PAX6: variants seen among roughly 807,000 people sequenced by gnomAD.
PAX6 encodes paired box protein Pax-6.
PAX6 carries 7 observed loss-of-function variants against 60.7 expected under a neutral mutation model. The observed-to-expected ratio is 0.12, with a 90% confidence interval of 0.07 to 0.22. The LOEUF is 0.22. PAX6 is among the 10% of genes least tolerant of loss of function. The pLI, the probability that PAX6 is intolerant of heterozygous loss-of-function variation, is 1.00. For synonymous variants in PAX6, 208 were observed against 201.2 expected (o/e 1.03, Z -0.29); for missense variants, 355 against 555.2 (o/e 0.64, Z 3.62).
At chr11:31,817,525 C>T (rs886939419) in intron 1 of PAX6, among the ~76,000 whole-genome samples, 1 of 152,228 alleles carries the variant, frequency 6.6e-6, no homozygotes, top group African/African-American at 2.4e-5. Flanking sequence ...CAGACTCCCG[C>T]CCCCTACTCC....
chr11:31,801,083 C>T (rs1953680836), intron 7 of PAX6: 3 of 741,978 alleles, frequency 4.0e-6, no homozygotes, highest in East Asian at 5.6e-5. Flanking sequence ...GGGTCCTTCA[C>T]CATTGCTTGG....
At chr11:31,803,264 A>G (rs1452637709) in intron 4 of PAX6, 1 of 221,694 alleles carries the variant, frequency 4.5e-6, no homozygotes, top group Non-Finnish European at 9.2e-6. Context: ...CAGCCTCTGA[A>G]CCCACAAAGC....
intron 4 of PAX6, chr11:31,803,107 G>C: frequency 2.5e-6 from 1 of 397,382 alleles, no homozygotes; most frequent in Non-Finnish European, 4.3e-6. Flanking sequence ...GGGCAGCCCA[G>C]TCCAAGCAAC....
chr11:31,804,630 G>T (rs1955192116), intron 4 of PAX6: 1 of 152,416 alleles, frequency 6.6e-6, no homozygotes, highest in Non-Finnish European at 1.5e-5. Flanking sequence ...GCCTTCCTTT[G>T]CTTCGCAAGT....
rs780920168 is a variant in PAX6 at position 31,800,764 on chromosome 11, G to A, written c.492C>T (p.Asn164=). 7.4e-6 allele frequency: 12 copies of A among 1,614,086 alleles called. 1 individual carries two copies. The highest frequency in any genetic ancestry group is 6.7e-5 in the African/African-American group (5 of 74,914). ...GGGTGCCCCAGCTTCCGGTCTGCCC[G>A]TTCAACATCCTTAGTTTATCATACA... is the stretch of plus-strand genomic sequence containing the variant. ...DGMYDKLRML[N]GQTGSWGTRP... Residue 164 remains asparagine (N), a synonymous_variant, in exon 8 of 14, where the codon AAC becomes AAT. Transcript: ENST00000640368.
chr11:31,813,189 C>G (rs1957207148), upstream of PAX6: 2 of 152,096 alleles, frequency 1.3e-5, no homozygotes, highest in African/African-American at 4.8e-5. Context: ...TGTCCAGGTC[C>G]GCGGCCTCCT....
rs779631884 is a variant in PAX6, at chr11:31,793,540, T to A, written c.972A>T (p.Thr324=). 8.3e-5 allele frequency: 134 copies of A among 1,614,060 alleles called. 1 individual carries two copies. The highest frequency in any genetic ancestry group is 1.1e-4 in the Non-Finnish European group (133 of 1,180,036). Residue 324 remains threonine, a synonymous_variant, in exon 12 of 14, where the codon ACA becomes ACT. Coordinates refer to ENST00000640368, the MANE Select transcript of PAX6 (RefSeq NM_001368894.2). Reference sequence around the variant, plus strand: ...CTGTTCGGCCCAACATGGAGCCAGATGTGAAGGAGGAAACTGAGGGCAAGA... The same window carrying A: ...CTGTTCGGCCCAACATGGAGCCAGAAGTGAAGGAGGAAACTGAGGGCAAGA... ...PQPTTPVSSF[T]SGSMLGRTDT... is the part of the protein sequence containing the mutation.
chr11:31,801,964 T>C (rs760545231), intron 5 of PAX6, 52 bp from the exon 6 acceptor site: 5 of 1,427,544 alleles, frequency 3.5e-6, no homozygotes, highest in Non-Finnish European at 4.8e-6. Context: ...TGTAGAGAGC[T>C]TTTTTTCTTA....
At chr11:31,794,321 C>G in intron 9 of PAX6, 1 of 642,328 alleles carries the variant, frequency 1.6e-6, no homozygotes, top group Non-Finnish European at 2.8e-6. Context: ...AGTGACCTTT[C>G]TGTGGCCTGA....
intron 3 of PAX6, 67 bp from the exon 4 acceptor site, chr11:31,806,529 A>C (rs1470882649): frequency 8.1e-7 from 1 of 1,239,572 alleles, no homozygotes; most frequent in Non-Finnish European, 1.2e-6. Context: ...CTCCCAACCG[A>C]GGTGGACCTG....
chr11:31,790,287 A>G (rs913366567), intron 13 of PAX6: 40 of 577,692 alleles, frequency 6.9e-5, no homozygotes, highest in Non-Finnish European at 9.7e-5. Flanking sequence ...GTTTGTTTGC[A>G]TGTTTGGAAC....
intron 4 of PAX6, 128 bp downstream of exon 4, chr11:31,806,274 G>A: frequency 1.9e-6 from 2 of 1,078,306 alleles, no homozygotes; most frequent in Non-Finnish European, 2.6e-6. Context: ...AGCAGCCGCC[G>A]CAGGTCCCCG....
At chr11:31,804,019 C>T (rs1263412886) in intron 4 of PAX6, 2 of 152,230 alleles carry the variant, frequency 1.3e-5, no homozygotes, top group Non-Finnish European at 2.9e-5. Flanking sequence ...CTCTCCTCTC[C>T]TCTCCTCTCT....
chr11:31,802,900 A>T, intron 4 of PAX6, 66 bp from the exon 5 acceptor site: 1 of 1,479,792 alleles, frequency 6.8e-7, no homozygotes, highest in Admixed American at 1.8e-5. Flanking sequence ...GAGGAAGAAG[A>T]GGGAGAAGAA....
At chr11:31,794,507 A>T in intron 9 of PAX6, 123 bp downstream of exon 9, 1 of 952,222 alleles carries the variant, frequency 1.1e-6, no homozygotes, top group South Asian at 1.4e-5. Context: ...AAATAAAAAG[A>T]CAGAAAAAAG....
chr11:31,811,341 C>T (rs1956999914), upstream of PAX6: 1 of 398,352 alleles, frequency 2.5e-6, no homozygotes, highest in Non-Finnish European at 4.4e-6. Flanking sequence ...CGCTCGCTCT[C>T]ACACAAAATA....
chr11:31,799,970 C>G (rs1262865146), intron 8 of PAX6, among the ~76,000 whole-genome samples: 32 of 150,380 alleles, frequency 2.1e-4, no homozygotes, highest in Middle Eastern at 3.4e-3. Context: ...CCCCATCCCC[C>G]GCTCTTCTTC....
At chr11:31,799,588 C>T (rs1436214507) in intron 8 of PAX6, among the ~76,000 whole-genome samples, 1 of 152,164 alleles carries the variant, frequency 6.6e-6, no homozygotes, top group Admixed American at 6.5e-5. Flanking sequence ...AGGATTGTTC[C>T]CATAACAAAT....
Position 31,789,923 on chromosome 11 carries a change from T to C in PAX6, c.*11A>G. ...CAATATTTCCTTTCCTTTTTTTTTT[T>C]TTTTTTTTTTTTACTGTAATCTTGG... is the stretch of plus-strand genomic sequence containing the variant. On this transcript the variant is annotated 3_prime_UTR_variant, in exon 14 of 14. Coordinates refer to ENST00000640368, the MANE Select transcript of PAX6 (RefSeq NM_001368894.2). 6.6e-7 allele frequency: 1 copy of C among 1,505,376 alleles called. No homozygotes were observed. Among genetic ancestry groups the C allele is most frequent in the Non-Finnish European group, 8.9e-7 (1 of 1,123,112 alleles). The allele number at this position is 1,505,376 out of a possible 1,614,324, so 93.3% of individuals were successfully genotyped here. A position where few individuals can be genotyped will look rare whatever the true frequency, so the allele number is the denominator to read the frequency against.
Sources: allele counts gnomAD v4.1 joint callset (sites outside exome capture counted in the v4.1 genomes callset), GRCh38; gene constraint gnomAD v4.1.1; transcripts MANE v1.5; gene names NCBI Gene and HGNC (gene_info 2026-07-23, HGNC 2026-07-21).